The following GARS1 variants were observed in gnomAD, a reference collection of about 807,000 sequenced individuals.
GARS1 encodes the protein glycine--tRNA ligase.
Under a neutral mutation model 86.4 loss-of-function variants are expected in GARS1, and 46 were observed. The ratio of observed to expected loss-of-function variants is 0.53; its 90% CI spans 0.42 to 0.68. The LOEUF is 0.68. GARS1 is among the 30% of genes least tolerant of loss of function. The pLI is 0.00. For missense variants in GARS1, 797 were observed against 915.6 expected (o/e 0.87, Z 1.67); for synonymous variants, 342 against 329.8 (o/e 1.04, Z -0.40).
chr7:30,601,354 C>T (rs1490499169), intron 4 of GARS1, among the ~76,000 whole-genome samples, 154 bp downstream of exon 4: 1 of 152,178 alleles, frequency 6.6e-6, no homozygotes, highest in Non-Finnish European at 1.5e-5. Flanking sequence ...GAAATGTATA[C>T]CTTCTGCTCA....
intron 1 of GARS1, among the ~76,000 whole-genome samples, chr7:30,598,332 A>G (rs937714832): frequency 5.4e-5 from 8 of 148,136 alleles, no homozygotes; most frequent in African/African-American, 1.5e-4. Flanking sequence ...AGAGACCTTG[A>G]TTCATAATGA....
At chr7:30,596,396 T>G (rs1050626990) in intron 1 of GARS1, among the ~76,000 whole-genome samples, 2 of 152,062 alleles carry the variant, frequency 1.3e-5, no homozygotes, top group Non-Finnish European at 2.9e-5. Context: ...ACTCCACAAA[T>G]AAAATTAGGT....
Position 30,598,827 on chromosome 7 carries a change from A to G in GARS1, c.254A>G (p.Lys85Arg), listed in dbSNP as rs377122472. ...CTTGTGCGAAAACTCAAAGAAGATAAAGCACCCCAAGTAGACGTAGACAAA... is the reference window on the plus strand; with the variant it reads ...CTTGTGCGAAAACTCAAAGAAGATAGAGCACCCCAAGTAGACGTAGACAAA... ...GDLVRKLKED[K>R]APQVDVDKAV... Residue 85 changes from lysine to arginine, a missense_variant, in exon 2 of 17, where the codon AAA (lysine) becomes AGA (arginine). Around this residue, in one of 2 missense-constraint regions of GARS1, gnomAD observed 199 missense variants for 176.9 expected, o/e 1.12. Transcript: ENST00000389266. 3 of 1,614,172 alleles carry G rather than the reference A, an allele frequency of 1.9e-6. No homozygotes were observed. Among genetic ancestry groups the G allele is most frequent in the Non-Finnish European group, 2.5e-6 (3 of 1,180,010 alleles).
At chr7:30,614,871 C>CAAA (rs60532382) in intron 8 of GARS1, among the ~76,000 whole-genome samples, 9 of 81,538 alleles carry the variant, frequency 1.1e-4, no homozygotes, top group African/African-American at 2.9e-4. Flanking sequence ...GACTCCGTCT[C>CAAA]AAAAAAAAAA....
chr7:30,596,756 A>G (rs1040122717), intron 1 of GARS1, among the ~76,000 whole-genome samples: 6 of 152,362 alleles, frequency 3.9e-5, no homozygotes, highest in East Asian at 1.9e-4. Context: ...GAACACACAT[A>G]TATCAGTTAG....
chr7:30,597,819 ACT>A (rs1389780591), intron 1 of GARS1, among the ~76,000 whole-genome samples: 2 of 152,110 alleles, frequency 1.3e-5, no homozygotes, highest in African/African-American at 2.4e-5. Context: ...GAAATTAGAA[ACT>A]CTGTTGGGTG....
rs1783284312 is a variant in GARS1 at position 30,633,857 on chromosome 7, A to G, written c.2217A>G (p.Glu739=). The part of the protein sequence containing the change: ...QETGKKETIE[E] Reference sequence around the variant, plus strand: ...CTGGTAAAAAAGAGACAATCGAGGAATGAGGACAATTTTGACAACTTTTGA... The same window carrying G: ...CTGGTAAAAAAGAGACAATCGAGGAGTGAGGACAATTTTGACAACTTTTGA... The change falls in exon 17 of 17, where the codon GAA becomes GAG. Residue 739 remains glutamate (E), a synonymous_variant. Transcript: ENST00000389266. 2.5e-6 allele frequency: 4 copies of G among 1,573,898 alleles called. No homozygotes were observed. The highest frequency in any genetic ancestry group is 4.8e-5 in the East Asian group (2 of 41,418).
At chr7:30,633,585 TG>T in intron 16 of GARS1, 149 bp from the exon 17 acceptor site, 1 of 850,214 alleles carries the variant, frequency 1.2e-6, no homozygotes, top group Non-Finnish European at 1.9e-6. Flanking sequence ...CTGGGGGAAC[TG>T]GTGGGCGTTT....
chr7:30,595,048 C>T lies in GARS1; in HGVS notation c.127C>T (p.Pro43Ser). Residue 43 changes from proline (P) to serine (S), a missense_variant, in exon 1 of 17, where the codon CCG becomes TCG. By Grantham distance (74) the Pro-to-Ser change is moderately conservative. This residue lies in a region of GARS1 where 199 missense variants were observed against 176.9 expected (regional missense o/e 1.12). Coordinates refer to ENST00000389266, the MANE Select transcript of GARS1 (RefSeq NM_002047.4). Reference protein sequence around the residue: ...RRSLSAASCPPISLPAAASRS... With the variant: ...RRSLSAASCPSISLPAAASRS... The stretch of plus-strand genomic sequence containing the variant: ...GTCCCTCAGCGCGGCCTCCTGCCCC[C>T]CGATCTCCTTGCCCGCCGCCGCCTC... 1 of 1,558,748 alleles carries T rather than the reference C, an allele frequency of 6.4e-7. No homozygotes were observed.
At chr7:30,603,640 C>A in intron 6 of GARS1, 68 bp downstream of exon 6, 1 of 1,123,002 alleles carries the variant, frequency 8.9e-7, no homozygotes, top group Non-Finnish European at 1.4e-6. Context: ...TGTTTAATGA[C>A]TGTTGCATTT....
At chr7:30,622,561 G>A in intron 12 of GARS1, 99 bp downstream of exon 12, 1 of 1,369,554 alleles carries the variant, frequency 7.3e-7, no homozygotes, top group Admixed American at 1.7e-5. Flanking sequence ...TTTTTTGCAG[G>A]TAAGTACTGT....
intron 6 of GARS1, among the ~76,000 whole-genome samples, chr7:30,607,251 T>G (rs1159761409): frequency 1.3e-5 from 2 of 152,164 alleles, no homozygotes; most frequent in Admixed American, 6.5e-5. Context: ...TTTTAAAAAT[T>G]TGTTTTATAA....
chr7:30,601,035 G>A (rs1180265818), intron 3 of GARS1, 24 bp from the exon 4 acceptor site: 1 of 1,611,992 alleles, frequency 6.2e-7, no homozygotes. Context: ...GGTAAAGTAT[G>A]TGTTTTCCTC....
intron 2 of GARS1, among the ~76,000 whole-genome samples, chr7:30,599,493 C>T (rs1218080232): frequency 1.3e-5 from 2 of 152,072 alleles, no homozygotes; most frequent in Admixed American, 1.3e-4. Flanking sequence ...ACCTCTGCCT[C>T]CCGGGTTCAA....
intron 13 of GARS1, chr7:30,626,983 A>C: frequency 3.0e-6 from 1 of 338,960 alleles, no homozygotes; most frequent in East Asian, 9.0e-5. Context: ...TCCGTCTCAA[A>C]AAAAAAAAAA....
At chr7:30,621,264 T>G in intron 10 of GARS1, 129 bp from the exon 11 acceptor site, 2 of 812,668 alleles carry the variant, frequency 2.5e-6, no homozygotes, top group Non-Finnish European at 4.1e-6. Context: ...TTTATGAAAT[T>G]TGAATGAAGA....
At position 30,612,191 on chromosome 7, in the gene GARS1, T is replaced by C; in HGVS notation, c.977T>C (p.Ile326Thr). The change falls in exon 8 of 17, where the codon ATT becomes ACT. Residue 326 changes from isoleucine to threonine, a missense_variant. Coordinates refer to ENST00000389266, the MANE Select transcript of GARS1 (RefSeq NM_002047.4). ...AAGTTGCCTTTTGCTGCTGCCCAGATTGGAAATTCTTTTAGAAATGAGATC... is the reference window on the plus strand; with the variant it reads ...AAGTTGCCTTTTGCTGCTGCCCAGACTGGAAATTCTTTTAGAAATGAGATC... ...QGKLPFAAAQ[I>T]GNSFRNEISP... 6.2e-7 allele frequency: 1 copy of C among 1,614,096 alleles called. No individual in the cohort carries two copies. The highest frequency in any genetic ancestry group is 8.5e-7 in the Non-Finnish European group (1 of 1,179,966).
At position 30,612,168 on chromosome 7, in the gene GARS1, G is replaced by A. The variant is rs1782770059; in HGVS notation, c.954G>A (p.Lys318=). The part of the protein sequence containing the change: ...FKRLLEFNQG[K]LPFAAAQIGN... ...GACTTTTGGAGTTCAACCAAGGAAA[G>A]TTGCCTTTTGCTGCTGCCCAGATTG... Residue 318 remains lysine, a synonymous_variant, in exon 8 of 17, where the codon AAG becomes AAA. Transcript: ENST00000389266. 10 of 1,613,984 alleles carry A rather than the reference G, an allele frequency of 6.2e-6. No homozygotes were observed. The highest frequency in any genetic ancestry group is 1.3e-5 in the African/African-American group (1 of 74,918).
chr7:30,624,740 G>C (rs750604946), intron 12 of GARS1, among the ~76,000 whole-genome samples: 1 of 152,166 alleles, frequency 6.6e-6, no homozygotes. Flanking sequence ...ATGGGACAAA[G>C]ATGAACTCTT....
Sources: gnomAD v4.1 joint callset for allele counts (sites outside exome capture counted in the v4.1 genomes callset) on GRCh38, gnomAD v4.1.1 for gene constraint, gnomAD v4.1.1 regional missense constraint, MANE v1.5 for transcripts, NCBI Gene and HGNC (gene_info 2026-07-23, HGNC 2026-07-21) for gene names.